RETREG1: variants seen among roughly 807,000 people sequenced by gnomAD.
RETREG1 encodes family with sequence similarity 134 member B.
A neutral mutation model predicts 54.8 loss-of-function variants in RETREG1; 44 were observed. That is an observed-to-expected ratio of 0.80 (90% confidence interval 0.63 to 1.03). The LOEUF is 1.03. RETREG1 is among the 50% of genes least tolerant of loss of function. RETREG1 has a pLI of 0.00. For missense variants in RETREG1, 554 were observed against 605.1 expected (o/e 0.92, Z 0.89); for synonymous variants, 217 against 238.5 (o/e 0.91, Z 0.83).
At chr5:16,582,127 A>G (rs1579706011) in intron 1 of RETREG1, among the ~76,000 whole-genome samples, 1 of 152,262 alleles carries the variant, frequency 6.6e-6, no homozygotes, top group Non-Finnish European at 1.5e-5. Flanking sequence ...ATAAATACAT[A>G]AAGTCTATGT....
intron 3 of RETREG1, among the ~76,000 whole-genome samples, chr5:16,508,337 C>T (rs1740044096): frequency 6.6e-6 from 1 of 152,062 alleles, no homozygotes; most frequent in African/African-American, 2.4e-5. Flanking sequence ...AATTTCAGGC[C>T]ATCACTTTCT....
intron 3 of RETREG1, among the ~76,000 whole-genome samples, chr5:16,555,452 T>C (rs1459318184): frequency 1.3e-5 from 2 of 152,218 alleles, no homozygotes; most frequent in Non-Finnish European, 2.9e-5. Flanking sequence ...ACACTTGGCC[T>C]GTTTTTACAT....
At position 16,561,420 on chromosome 5, in the gene RETREG1, C is replaced by G. The variant is rs145102528; in HGVS notation, c.458+4343G>C. On this transcript the variant is annotated intron_variant, in intron 3 of 8. Transcript: ENST00000306320. This position sits in a 1 kb window ranked among gnomAD's most constrained non-coding sequence, Gnocchi z 4.2. ...GCTGAGGCAGGAGAATGGCATGAAC[C>G]TGGGAGGTGGAGCTTGCAGAGAGCC... 0.014 allele frequency among the ~76,000 whole-genome samples: 2,186 copies of G among 152,124 alleles called. 57 individuals carry two copies. The highest frequency in any genetic ancestry group is 0.051 in the African/African-American group (2,096 of 41,462).
chr5:16,555,228 T>C (rs2126619911), intron 3 of RETREG1, among the ~76,000 whole-genome samples: 1 of 152,368 alleles, frequency 6.6e-6, no homozygotes, highest in Admixed American at 6.5e-5. Flanking sequence ...CTGGGCTCAC[T>C]GCAACCTCCA....
chr5:16,509,120 T>C, intron 3 of RETREG1: 1 of 655,838 alleles, frequency 1.5e-6, no homozygotes, highest in Non-Finnish European at 1.9e-6. Context: ...CACCCTGGGC[T>C]ATCAAATCTC....
intron 2 of RETREG1, 136 bp downstream of exon 2, chr5:16,571,860 G>T (rs568142427): frequency 1.5e-6 from 1 of 661,088 alleles, no homozygotes; most frequent in Non-Finnish European, 2.7e-6. Flanking sequence ...ATAAATTATC[G>T]TATTGAAAAC....
chr5:16,499,697 C>T (rs1739623120), intron 3 of RETREG1, among the ~76,000 whole-genome samples: 2 of 152,234 alleles, frequency 1.3e-5, no homozygotes, highest in African/African-American at 4.8e-5. Context: ...TCACCACCAC[C>T]ACCATCATGT....
At chr5:16,611,310 G>A (rs1339581403) in intron 1 of RETREG1, among the ~76,000 whole-genome samples, 1 of 152,134 alleles carries the variant, frequency 6.6e-6, no homozygotes, top group Non-Finnish European at 1.5e-5. Context: ...TGTAAATGAT[G>A]AGTTAATGGG....
At chr5:16,534,645 A>G (rs1384611540) in intron 3 of RETREG1, among the ~76,000 whole-genome samples, 1 of 152,210 alleles carries the variant, frequency 6.6e-6, no homozygotes, top group Non-Finnish European at 1.5e-5. Flanking sequence ...TCACACTTCA[A>G]TCCCAGCCAG....
chr5:16,508,982 A>G, intron 3 of RETREG1: 3 of 1,037,290 alleles, frequency 2.9e-6, no homozygotes, highest in Non-Finnish European at 3.5e-6. Context: ...CCGCTCAGCC[A>G]GTAACCTTCA....
At chr5:16,588,702 A>G (rs1173227096) in intron 1 of RETREG1, among the ~76,000 whole-genome samples, 1 of 152,242 alleles carries the variant, frequency 6.6e-6, no homozygotes, top group Non-Finnish European at 1.5e-5. Context: ...AACGAGCTGT[A>G]AGAAACTATG....
At chr5:16,586,349 A>G (rs1391914484) in intron 1 of RETREG1, among the ~76,000 whole-genome samples, 15 of 152,260 alleles carry the variant, frequency 9.9e-5, no homozygotes, top group Non-Finnish European at 1.5e-5. Context: ...AAGGTCTAGC[A>G]TGGCCAGTGA....
intron 1 of RETREG1, 26 bp from the exon 2 acceptor site, chr5:16,572,128 ATTTCAATTTGAGGATT>A: frequency 6.5e-7 from 1 of 1,530,384 alleles, no homozygotes; most frequent in Non-Finnish European, 9.1e-7. Flanking sequence ...ACAAATCAGT[ATTTCAATTTGAGGATT>A]TTTAACCTTT....
intron 1 of RETREG1, among the ~76,000 whole-genome samples, chr5:16,574,501 G>C (rs963592509): frequency 1.3e-5 from 2 of 152,188 alleles, no homozygotes; most frequent in South Asian, 2.1e-4. Context: ...TGAGATGCTG[G>C]GTGACGTGGT....
chr5:16,616,620 C>G (rs1579735944), intron 1 of RETREG1, 32 bp downstream of exon 1: 1 of 1,562,894 alleles, frequency 6.4e-7, no homozygotes, highest in Non-Finnish European at 8.6e-7. Flanking sequence ...CACCTGCCCT[C>G]CTCAGCGCCC....
rs142141099 is a variant in RETREG1 at position 16,500,122 on chromosome 5, G to C, written c.459-16650C>G. Among the ~76,000 whole-genome samples the C allele has an allele frequency of 4.5e-3, 689 of 152,294 alleles. 8 individuals are homozygous for C. The highest frequency in any genetic ancestry group is 0.015 in the African/African-American group (637 of 41,558). ...TTCTGTCTCCCTAATAAGAGGGTGA[G>C]CTTGTCCATACGAAGTGGAGCAACA... On this transcript the variant is annotated intron_variant, in intron 3 of 8. Transcript: ENST00000306320.
At chr5:16,519,386 T>C (rs189414780) in intron 3 of RETREG1, among the ~76,000 whole-genome samples, 4 of 152,288 alleles carry the variant, frequency 2.6e-5, no homozygotes, top group African/African-American at 7.2e-5. Flanking sequence ...CCTGCAAAGA[T>C]TGCCCCTGAC....
intron 1 of RETREG1, among the ~76,000 whole-genome samples, chr5:16,613,962 T>G (rs1265003013): frequency 1.3e-5 from 2 of 152,166 alleles, no homozygotes; most frequent in African/African-American, 2.4e-5. Context: ...TAAATTCCAA[T>G]GAATTATAAT....
chr5:16,491,272 G>C (rs79314008), intron 3 of RETREG1, among the ~76,000 whole-genome samples: 4 of 152,292 alleles, frequency 2.6e-5, no homozygotes, highest in Admixed American at 2.0e-4. Flanking sequence ...CCTGGTTACC[G>C]ACCACGACCG....
Sources: gnomAD v4.1 joint callset for allele counts (sites outside exome capture counted in the v4.1 genomes callset) on GRCh38, gnomAD v4.1.1 for gene constraint, Gnocchi (gnomAD v3.1) non-coding constraint, MANE v1.5 for transcripts, NCBI Gene and HGNC (gene_info 2026-07-23, HGNC 2026-07-21) for gene names.